The following TSBP1 variants were observed in gnomAD, a reference collection of about 807,000 sequenced individuals.
TSBP1 encodes the protein testis expressed basic protein 1, also known as testis-expressed basic protein 1.
A neutral mutation model predicts 68.8 loss-of-function variants in TSBP1; 56 were observed. The observed-to-expected ratio is 0.81, with a 90% CI of 0.66 to 1.02. The LOEUF (loss-of-function observed/expected upper bound fraction) is 1.02. Among genes scored for constraint, TSBP1 ranks in the 50% least tolerant of loss-of-function variants. The pLI is 0.00. For synonymous variants in TSBP1, 171 were observed against 208.7 expected, an observed-to-expected ratio of 0.82 and a Z score of 1.56; for missense variants, 502 against 641.2, an observed-to-expected ratio of 0.78 and a Z score of 2.34.
At chr6:32,371,009 A>C (rs1774360739) in intron 1 of TSBP1, among the ~76,000 whole-genome samples, 1 of 152,228 alleles carries the variant, frequency 6.6e-6, no homozygotes, top group Non-Finnish European at 1.5e-5. Context: ...AATCCATCTC[A>C]AGATATAATA....
Position 32,302,506 on chromosome 6 carries a change from G to A in TSBP1, c.601+103C>T, listed in dbSNP as rs7775592. 0.22 allele frequency: 185,027 copies of A among 833,708 alleles called. 22,162 individuals carry two copies. The highest frequency in any genetic ancestry group is 0.34 in the African/African-American group (19,008 of 56,348). The allele number at this position is 833,708 out of a possible 1,614,324, so 51.6% of individuals were successfully genotyped here. ...ACAAACCAAAAAACACAAAAACCCA[G>A]CAAACAAAAACAAACATAAAACATT... is the stretch of plus-strand genomic sequence containing the variant. On this transcript the variant is annotated intron_variant, in intron 20 of 22. Transcript: ENST00000612031. This position sits in a 1 kb window ranked among gnomAD's most constrained non-coding sequence, Gnocchi z 5.1.
intron 1 of TSBP1, among the ~76,000 whole-genome samples, chr6:32,371,028 C>A (rs1255384077): frequency 6.6e-6 from 1 of 152,168 alleles, no homozygotes; most frequent in Non-Finnish European, 1.5e-5. Context: ...TAACACACCT[C>A]CAACCAGGGC....
At chr6:32,323,799 A>AT in intron 16 of TSBP1, 185 bp from the exon 18 acceptor site, 1 of 617,288 alleles carries the variant, frequency 1.6e-6, no homozygotes, top group East Asian at 2.8e-5. Context: ...ACTTCATGGA[A>AT]TTTTGATGAT....
At chr6:32,349,027 G>C (rs3117120) in intron 9 of TSBP1, among the ~76,000 whole-genome samples, 64,050 of 151,894 alleles carry the variant, frequency 0.42, 14,393 homozygotes, top group African/African-American at 0.55. Context: ...GAAGGAAAAG[G>C]AGGTGAGGGA....
In TSBP1 at chr6:32,316,382, T is replaced by G. The variant is rs1234194713; in HGVS notation, c.560-590A>C. On this transcript the variant is annotated intron_variant, in intron 18 of 22. Coordinates refer to ENST00000612031, the Ensembl canonical transcript of TSBP1. The surrounding 1 kb of genome is among the most constrained non-coding windows in gnomAD (Gnocchi z 4.5). ...AAGAGAACCAAAGTAGAAAAAGACATGTAATACTTACTTATAGGTGCTGCC... is the reference window on the plus strand; with the variant it reads ...AAGAGAACCAAAGTAGAAAAAGACAGGTAATACTTACTTATAGGTGCTGCC... 6.4e-6 allele frequency: 10 copies of G among 1,571,502 alleles called. No homozygotes were observed. The highest frequency in any genetic ancestry group is 2.7e-5 in the African/African-American group (2 of 73,868).
At chr6:32,326,100 C>A in intron 16 of TSBP1, 1 of 1,411,542 alleles carries the variant, frequency 7.1e-7, no homozygotes, top group Non-Finnish European at 9.9e-7. Flanking sequence ...GAGGCCAATA[C>A]TTTGCCAAAC....
exon 23 of TSBP1, chr6:32,293,787 T>C (rs1351864829): frequency 1.9e-6 from 3 of 1,613,052 alleles, no homozygotes; most frequent in East Asian, 2.2e-5. Context: ...CCAGCGTCAC[T>C]GTCTACCTTG....
intron 22 of TSBP1, among the ~76,000 whole-genome samples, chr6:32,298,533 T>C (rs9268155): frequency 0.83 from 125,985 of 152,094 alleles, 52,296 homozygotes; most frequent in South Asian, 0.92. Context: ...GAGGCAAGAT[T>C]GTGCCATTGC....
intron 16 of TSBP1, chr6:32,326,235 G>A (rs1583051340): frequency 2.7e-6 from 3 of 1,109,338 alleles, no homozygotes. Context: ...GGAAGCTACA[G>A]GTTATAACAG....
rs372851678 is a variant in TSBP1, at chr6:32,335,042, TAAAG to T, written c.472+391_472+394del. ...GAGCGAGACTCCATCTCAAAAAAAA[TAAAG>T]AAAGGAAACTTAAAATTTGCATTAT... On this transcript the variant is annotated intron_variant, in intron 14 of 22. Transcript: ENST00000612031. The surrounding 1 kb of genome is among the most constrained non-coding windows in gnomAD (Gnocchi z 5.5). Among the ~76,000 whole-genome samples, 153 of 151,804 alleles carry T rather than the reference TAAAG, an allele frequency of 1.0e-3. No homozygotes were observed. Among genetic ancestry groups the T allele is most frequent in the African/African-American group, 3.2e-3 (131 of 41,412 alleles).
In TSBP1 at chr6:32,368,945, G is replaced by A. The variant is rs1774077446; in HGVS notation, c.101-131C>T. On this transcript the variant is annotated intron_variant, in intron 2 of 22. Transcript: ENST00000612031. Reference sequence around the variant, plus strand: ...GGTCCTCCTGATATAATGCATTGTTGTTCTCACCCATTTTCCACATCTCCC... The same window carrying A: ...GGTCCTCCTGATATAATGCATTGTTATTCTCACCCATTTTCCACATCTCCC... 6 of 1,083,342 alleles carry A rather than the reference G, an allele frequency of 5.5e-6. No homozygotes were observed. In the South Asian group the frequency reaches 8.1e-5, roughly 15 times the overall value. 67.1% of individuals were successfully genotyped at this position (1,083,342 alleles called of 1,614,324 possible).
At chr6:32,301,106 G>A (rs1286002411) in intron 20 of TSBP1, among the ~76,000 whole-genome samples, 2 of 152,010 alleles carry the variant, frequency 1.3e-5, no homozygotes, top group Non-Finnish European at 1.5e-5. Flanking sequence ...ATGGCTCACT[G>A]CAGCTTCCAC....
intron 18 of TSBP1, among the ~76,000 whole-genome samples, chr6:32,319,241 A>T (rs539310241): frequency 6.6e-6 from 1 of 152,316 alleles, no homozygotes; most frequent in African/African-American, 2.4e-5. Context: ...CATTCAGTCG[A>T]ACAGCAGGCC....
chr6:32,368,724 G>C, intron 3 of TSBP1, 58 bp downstream of exon 3: 1 of 1,501,246 alleles, frequency 6.7e-7, no homozygotes, highest in Non-Finnish European at 9.1e-7. Flanking sequence ...TTTCTTTCCT[G>C]ACTTGTGAAA....
At chr6:32,298,534 G>A (rs1420293697) in intron 22 of TSBP1, among the ~76,000 whole-genome samples, 1 of 151,998 alleles carries the variant, frequency 6.6e-6, no homozygotes, top group Non-Finnish European at 1.5e-5. Flanking sequence ...AGGCAAGATT[G>A]TGCCATTGCA....
At chr6:32,367,861 GTTGA>G in intron 4 of TSBP1, 60 bp downstream of exon 4, 1 of 1,238,278 alleles carries the variant, frequency 8.1e-7, no homozygotes, top group Non-Finnish European at 1.2e-6. Context: ...ATGGAGATGA[GTTGA>G]TTCACACTCT....
At chr6:32,293,479 T>C (rs765653899) in exon 23 of TSBP1, 1 of 1,610,876 alleles carries the variant, frequency 6.2e-7, no homozygotes, top group South Asian at 1.1e-5. Flanking sequence ...CCCTCTTCTT[T>C]ACCTGGGCTT....
At chr6:32,296,700 A>C (rs1764763473) in intron 22 of TSBP1, among the ~76,000 whole-genome samples, 1 of 152,182 alleles carries the variant, frequency 6.6e-6, no homozygotes, top group Non-Finnish European at 1.5e-5. Context: ...GATTTTCCTT[A>C]AGCTATGAAT....
At chr6:32,371,903 T>G (rs1050404839) in exon 1 of TSBP1, 6 of 629,428 alleles carry the variant, frequency 9.5e-6, no homozygotes, top group Admixed American at 5.1e-5. Flanking sequence ...AAGCAAATGA[T>G]GGGAGTGTGG....
Sources: allele counts gnomAD v4.1 joint callset (sites outside exome capture counted in the v4.1 genomes callset), GRCh38; gene constraint gnomAD v4.1.1; non-coding constraint Gnocchi (gnomAD v3.1); transcripts MANE v1.5; gene names NCBI Gene and HGNC (gene_info 2026-07-23, HGNC 2026-07-21).